Variants in NRCAM observed in about 807,000 individuals in gnomAD.
NRCAM encodes the protein NgCAM-related cell adhesion molecule.
NRCAM carries 83 observed loss-of-function variants against 156.5 expected under a neutral mutation model. That is an observed-to-expected ratio of 0.53 (90% CI 0.44 to 0.64). NRCAM has a LOEUF of 0.64. Among genes scored for constraint, NRCAM ranks in the 30% least tolerant of loss-of-function variants. NRCAM has a pLI of 0.00. For missense variants in NRCAM, 1,417 were observed against 1,597.3 expected (o/e 0.89, Z 1.92); for synonymous variants, 538 against 563.9 (o/e 0.95, Z 0.65).
chr7:108,410,323 T>C (rs6966107), intron 1 of NRCAM, among the ~76,000 whole-genome samples: 38,761 of 152,128 alleles, frequency 0.25, 5,241 homozygotes, highest in Non-Finnish European at 0.29. Context: ...CAGTATGCAT[T>C]GATACTCATC....
At chr7:108,175,796 A>G (rs974644534) in intron 27 of NRCAM, among the ~76,000 whole-genome samples, 5 of 152,212 alleles carry the variant, frequency 3.3e-5, no homozygotes, top group Non-Finnish European at 7.3e-5. Flanking sequence ...TTGAATCTCA[A>G]GATTTCAGAA....
At chr7:108,380,422 C>T (rs1039523345) in intron 2 of NRCAM, among the ~76,000 whole-genome samples, 15 of 152,026 alleles carry the variant, frequency 9.9e-5, no homozygotes, top group African/African-American at 1.9e-4. Context: ...TTTTAAACTT[C>T]GGTTATTTGT....
chr7:108,184,162 C>T (rs1266867004), intron 22 of NRCAM, 79 bp downstream of exon 22: 2 of 1,004,066 alleles, frequency 2.0e-6, no homozygotes, highest in African/African-American at 3.2e-5. Flanking sequence ...AAATGAGATT[C>T]TAATGTAGAT....
At chr7:108,278,582 C>T (rs1355763957) in intron 3 of NRCAM, among the ~76,000 whole-genome samples, 1 of 139,578 alleles carries the variant, frequency 7.2e-6, no homozygotes, top group East Asian at 2.3e-4. Flanking sequence ...AGGAGGTAAT[C>T]TGGTCTGCTG....
chr7:108,201,987 CAG>C (rs1391915718), intron 13 of NRCAM, among the ~76,000 whole-genome samples: 2 of 152,126 alleles, frequency 1.3e-5, no homozygotes, highest in Non-Finnish European at 2.9e-5. Flanking sequence ...TAGCTGGACA[CAG>C]AGTAAAATCA....
At chr7:108,432,838 G>GTTGCC (rs1378543081) in intron 1 of NRCAM, among the ~76,000 whole-genome samples, 2 of 151,848 alleles carry the variant, frequency 1.3e-5, no homozygotes, top group Admixed American at 1.3e-4. Context: ...GGAGGCAGAG[G>GTTGCC]TTGCCGTAAG....
At chr7:108,390,967 T>C (rs2099757769) in intron 2 of NRCAM, among the ~76,000 whole-genome samples, 1 of 152,248 alleles carries the variant, frequency 6.6e-6, no homozygotes, top group Non-Finnish European at 1.5e-5. Context: ...TTCTTTTACA[T>C]TTGCTAAGGA....
intron 5 of NRCAM, 49 bp from the exon 6 acceptor site, chr7:108,234,737 A>G: frequency 7.9e-7 from 1 of 1,262,692 alleles, no homozygotes; most frequent in East Asian, 2.3e-5. Context: ...ATTTAAAATC[A>G]TAATAGTAGC....
intron 13 of NRCAM, among the ~76,000 whole-genome samples, chr7:108,205,366 T>C (rs55807420): frequency 1.9e-4 from 29 of 152,326 alleles, no homozygotes; most frequent in African/African-American, 6.0e-4. Context: ...CATTTTGTTA[T>C]AGCAGCAGGA....
rs149847295 is a variant in NRCAM, at chr7:108,387,101, T to A, written c.-174+12335A>T. Among the ~76,000 whole-genome samples, 768 of 152,238 alleles carry A rather than the reference T, an allele frequency of 5.0e-3. 12 individuals carry two copies. Among genetic ancestry groups the A allele is most frequent in the African/African-American group, 0.018 (729 of 41,544 alleles). ...TCCAATATCCTCCTCACAAAAGGCT[T>A]CCACTTATTTGATGACAGAAGGTAA... On this transcript the variant is annotated intron_variant, in intron 2 of 32. Transcript: ENST00000379028.
rs1042950712 is a variant in NRCAM, at chr7:108,292,968, C to T, written c.-107+19697G>A. 3.8e-4 allele frequency among the ~76,000 whole-genome samples: 58 copies of T among 151,838 alleles called. 2 individuals are homozygous for T. The highest frequency in any genetic ancestry group is 2.9e-5 in the Non-Finnish European group (2 of 67,974). Reference sequence around the variant, plus strand: ...AACCCAATCTTTATCTGATGAAGGCCCAAATCAATGGTTTGCTAAAATCCA... The same window carrying T: ...AACCCAATCTTTATCTGATGAAGGCTCAAATCAATGGTTTGCTAAAATCCA... On this transcript the variant is annotated intron_variant, in intron 3 of 32. Transcript: ENST00000379028.
chr7:108,433,582 C>T (rs966702571), intron 1 of NRCAM, among the ~76,000 whole-genome samples: 9 of 152,272 alleles, frequency 5.9e-5, no homozygotes, highest in African/African-American at 2.2e-4. Context: ...AATGCTCTCC[C>T]TTGGGATGAC....
chr7:108,215,880 G>A (rs556210573), intron 11 of NRCAM, among the ~76,000 whole-genome samples: 78 of 152,270 alleles, frequency 5.1e-4, no homozygotes, highest in Middle Eastern at 3.4e-3. Context: ...GCCAGCCTGC[G>A]TCTTTTAATT....
At chr7:108,193,955 G>C (rs2073681015) in intron 17 of NRCAM, 69 bp downstream of exon 17, 2 of 1,484,864 alleles carry the variant, frequency 1.3e-6, no homozygotes, top group African/African-American at 1.4e-5. Flanking sequence ...TGACTACATA[G>C]TAGACCTTTA....
intron 2 of NRCAM, among the ~76,000 whole-genome samples, chr7:108,365,701 A>C (rs972572147): frequency 1.3e-5 from 2 of 152,230 alleles, no homozygotes; most frequent in African/African-American, 4.8e-5. Flanking sequence ...ACCTGAATAC[A>C]GAGGCTGTGA....
intron 1 of NRCAM, among the ~76,000 whole-genome samples, chr7:108,445,189 CAATTA>C (rs1266792851): frequency 2.0e-5 from 3 of 152,252 alleles, no homozygotes; most frequent in African/African-American, 7.2e-5. Flanking sequence ...AAATAAAATA[CAATTA>C]GATTTATGGA....
intron 11 of NRCAM, among the ~76,000 whole-genome samples, chr7:108,219,364 C>T (rs1280002051): frequency 6.6e-6 from 1 of 152,056 alleles, no homozygotes; most frequent in Non-Finnish European, 1.5e-5. Flanking sequence ...GCCAGTATCA[C>T]CCTAATACCA....
At chr7:108,238,473 T>C (rs2095287694) in intron 4 of NRCAM, among the ~76,000 whole-genome samples, 1 of 152,190 alleles carries the variant, frequency 6.6e-6, no homozygotes, top group Non-Finnish European at 1.5e-5. Context: ...GTGCTGTCTG[T>C]CGTTACTACT....
At chr7:108,449,035 T>C (rs779047704) in intron 1 of NRCAM, among the ~76,000 whole-genome samples, 1 of 152,216 alleles carries the variant, frequency 6.6e-6, no homozygotes, top group Non-Finnish European at 1.5e-5. Flanking sequence ...CAAGTGCATC[T>C]GAGTGAGCGC....
Sources: allele counts gnomAD v4.1 joint callset (sites outside exome capture counted in the v4.1 genomes callset), GRCh38; gene constraint gnomAD v4.1.1; transcripts MANE v1.5; gene names NCBI Gene and HGNC (gene_info 2026-07-23, HGNC 2026-07-21).